SLC45A4: variants seen among roughly 807,000 people sequenced by gnomAD.
SLC45A4 encodes the protein solute carrier family 45 member 4, also known as polyamine-transporter SLC45A4.
Under a neutral mutation model 63.7 loss-of-function variants are expected in SLC45A4, and 32 were observed. The ratio of observed to expected loss-of-function variants is 0.50; its 90% CI spans 0.38 to 0.67. The LOEUF (loss-of-function observed/expected upper bound fraction) is 0.67, where lower values mean the gene tolerates loss of function less well. Among genes scored for constraint, SLC45A4 ranks in the 30% least tolerant of loss-of-function variants. The pLI is 0.00. For synonymous variants in SLC45A4, 535 were observed against 510.0 expected (o/e 1.05, Z -0.66); for missense variants, 1,027 against 1,157.7 (o/e 0.89, Z 1.64).
Position 141,211,495 on chromosome 8 carries a change from C to T in SLC45A4, c.*77G>A, listed in dbSNP as rs144361805. The T allele has an allele frequency of 3.2e-5, 51 of 1,607,700 alleles. 1 individual carries two copies. In the East Asian group the frequency reaches 7.4e-4, roughly 23 times the overall value. On this transcript the variant is annotated 3_prime_UTR_variant, in exon 9 of 9. Coordinates refer to ENST00000517878, the MANE Select transcript of SLC45A4 (RefSeq NM_001286646.2). ...CCAGCCTCCTCCCAGCTTTGGTGTG[C>T]GGTCGCTGCCCAAGGACAGGGCTGC...
Position 141,217,129 on chromosome 8 carries a change from C to T in SLC45A4, c.1690G>A (p.Gly564Ser), listed in dbSNP as rs1826202605. ...YNAGVKMGCW[G>S]LVIYAATGAI... ...CCAGTGGCGGCATAAATGACCAGGC[C>T]CCAGCAGCCCATCTTGACCCCGGCG... The change falls in exon 6 of 9, where the codon GGC (glycine) becomes AGC (serine). Residue 564 changes from glycine (G) to serine (S), a missense_variant. Gly to Ser is a moderately conservative substitution (Grantham distance 56, BLOSUM62 0). Transcript: ENST00000517878. The T allele has an allele frequency of 1.2e-6, 2 of 1,614,036 alleles. No homozygotes were observed. The highest frequency in any genetic ancestry group is 1.7e-6 in the Non-Finnish European group (2 of 1,180,018).
chr8:141,272,157 A>G (rs1829564355), intron 1 of SLC45A4, among the ~76,000 whole-genome samples: 1 of 152,254 alleles, frequency 6.6e-6, no homozygotes, highest in South Asian at 2.1e-4. Context: ...GATCTTCCTG[A>G]TCTTCAAAAC....
intron 2 of SLC45A4, chr8:141,228,104 A>G: frequency 6.3e-7 from 1 of 1,585,262 alleles, no homozygotes; most frequent in South Asian, 1.1e-5. Flanking sequence ...GGTGCCCGAG[A>G]GGCTGTGGCT....
At chr8:141,264,542 C>T (rs1445102442) in intron 1 of SLC45A4, among the ~76,000 whole-genome samples, 5 of 152,094 alleles carry the variant, frequency 3.3e-5, no homozygotes, top group Non-Finnish European at 4.4e-5. Flanking sequence ...TTTATGAGCA[C>T]GTGAACTTTT....
At chr8:141,264,557 C>T (rs1038034429) in intron 1 of SLC45A4, among the ~76,000 whole-genome samples, 4 of 152,088 alleles carry the variant, frequency 2.6e-5, no homozygotes, top group African/African-American at 7.2e-5. Context: ...ACTTTTGATT[C>T]GCTCTGGGAA....
intron 1 of SLC45A4, among the ~76,000 whole-genome samples, chr8:141,303,984 T>A (rs922427159): frequency 6.6e-6 from 1 of 152,182 alleles, no homozygotes; most frequent in African/African-American, 2.4e-5. Flanking sequence ...ATTCCTGCAC[T>A]GGGGACAAAA....
Position 141,217,880 on chromosome 8 carries a change from C to T in SLC45A4, c.1629+131G>A, listed in dbSNP as rs559762967. 259 of 1,150,854 alleles carry T rather than the reference C, an allele frequency of 2.3e-4. 1 individual carries two copies. In the African/African-American group the frequency reaches 3.4e-3, roughly 15 times the overall value. 71.3% of individuals were successfully genotyped at this position (1,150,854 alleles called of 1,614,324 possible). On this transcript the variant is annotated intron_variant, in intron 5 of 8. Transcript: ENST00000517878. ...GCCTGCCGCGGGTCCCTCACCTGCACGGGAGGCACTGTGTGGCCTCCCTGA... is the reference window on the plus strand; with the variant it reads ...GCCTGCCGCGGGTCCCTCACCTGCATGGGAGGCACTGTGTGGCCTCCCTGA...
intron 1 of SLC45A4, among the ~76,000 whole-genome samples, chr8:141,263,476 C>A (rs1829124838): frequency 6.6e-6 from 1 of 151,284 alleles, no homozygotes; most frequent in Non-Finnish European, 1.5e-5. Flanking sequence ...CTTAGAAAAT[C>A]AAGGGTCATG....
At chr8:141,212,145 C>T (rs1189664683) in intron 8 of SLC45A4, 52 bp downstream of exon 8, 14 of 955,996 alleles carry the variant, frequency 1.5e-5, no homozygotes, top group Non-Finnish European at 9.0e-6. Flanking sequence ...GCCGCCCGCC[C>T]GCCCGCCCAC....
Position 141,221,737 on chromosome 8 carries a change from G to C in SLC45A4, c.270C>G (p.Thr90=). 2 of 1,613,998 alleles carry C rather than the reference G, an allele frequency of 1.2e-6. No individual in the cohort carries two copies. Among genetic ancestry groups the C allele is most frequent in the Non-Finnish European group, 1.7e-6 (2 of 1,180,052 alleles). The change falls in exon 3 of 9, where the codon ACC becomes ACG. Residue 90 remains threonine (T), a synonymous_variant. Transcript: ENST00000517878. ...GGCCAAGGATGGGGCTCAGGAACCA[G>C]GTGAGGCTGTAGTACTGCTCCGGAA... ...IGLPEQYYSL[T]WFLSPILGLI...
chr8:141,259,306 A>T (rs1267910053), intron 1 of SLC45A4, among the ~76,000 whole-genome samples: 1 of 152,172 alleles, frequency 6.6e-6, no homozygotes, highest in Non-Finnish European at 1.5e-5. Flanking sequence ...GACACTGCTG[A>T]CCCAGCCCGC....
chr8:141,247,608 T>C (rs1207687599), intron 2 of SLC45A4, among the ~76,000 whole-genome samples: 1 of 152,192 alleles, frequency 6.6e-6, no homozygotes, highest in Non-Finnish European at 1.5e-5. Flanking sequence ...AACGAGGTCT[T>C]GCTGTGTTGC....
At chr8:141,264,608 T>C (rs184542050) in intron 1 of SLC45A4, among the ~76,000 whole-genome samples, 61 of 152,314 alleles carry the variant, frequency 4.0e-4, no homozygotes, top group East Asian at 2.9e-3. Context: ...TCCATTAATG[T>C]TATAAACTAG....
intron 1 of SLC45A4, among the ~76,000 whole-genome samples, chr8:141,289,931 A>T (rs1178058851): frequency 6.6e-6 from 1 of 152,100 alleles, no homozygotes; most frequent in Non-Finnish European, 1.5e-5. Context: ...CAGATCCCAG[A>T]TCTCAGTCCC....
chr8:141,235,537 T>C (rs1336529518), intron 2 of SLC45A4, among the ~76,000 whole-genome samples: 1 of 152,150 alleles, frequency 6.6e-6, no homozygotes, highest in African/African-American at 2.4e-5. Context: ...TGGTGAATTA[T>C]CCGAAGAAAG....
At chr8:141,251,225 A>T (rs1446216059) in intron 2 of SLC45A4, among the ~76,000 whole-genome samples, 3 of 152,114 alleles carry the variant, frequency 2.0e-5, no homozygotes, top group African/African-American at 7.2e-5. Context: ...GGGACGAAAT[A>T]AATGTTTAGT....
At chr8:141,268,070 T>C (rs962451196) in intron 1 of SLC45A4, among the ~76,000 whole-genome samples, 2 of 152,202 alleles carry the variant, frequency 1.3e-5, no homozygotes, top group Non-Finnish European at 2.9e-5. Flanking sequence ...AAGACGTCCT[T>C]GTGTAGGTGA....
intron 2 of SLC45A4, among the ~76,000 whole-genome samples, chr8:141,251,233 A>G (rs778938092): frequency 1.8e-4 from 27 of 152,176 alleles, no homozygotes; most frequent in Non-Finnish European, 3.7e-4. Flanking sequence ...ATAAATGTTT[A>G]GTAAAATTAA....
rs1245163761 is a variant in SLC45A4, at chr8:141,207,294, C to G, written c.*4278G>C. 1 of 152,374 alleles carries G rather than the reference C, an allele frequency of 6.6e-6. No homozygotes were observed. The highest frequency in any genetic ancestry group is 1.5e-5 in the Non-Finnish European group (1 of 68,162). The allele number at this position is 152,374 out of a possible 1,614,324, so 9.4% of individuals were successfully genotyped here. ...CTGAACCCTGCGCAGGACAGAGGGG[C>G]GCGGACAGCAGCGCATGCCACAAAC... On this transcript the variant is annotated 3_prime_UTR_variant, in exon 9 of 9. Coordinates refer to ENST00000517878, the MANE Select transcript of SLC45A4 (RefSeq NM_001286646.2).
Sources: gnomAD v4.1 joint callset for allele counts (sites outside exome capture counted in the v4.1 genomes callset) on GRCh38, gnomAD v4.1.1 for gene constraint, MANE v1.5 for transcripts, NCBI Gene and HGNC (gene_info 2026-07-23, HGNC 2026-07-21) for gene names.